The following POLR1A variants were observed in gnomAD, a reference collection of about 807,000 sequenced individuals.
The protein encoded by POLR1A is DNA-directed RNA polymerase I subunit RPA1.
In POLR1A, 84 loss-of-function variants were observed where a neutral mutation model predicts 205.3. The ratio of observed to expected loss-of-function variants is 0.41; its 90% confidence interval spans 0.34 to 0.49. POLR1A has a LOEUF of 0.49. POLR1A is among the 20% of genes least tolerant of loss of function. The pLI is 0.22. For missense variants in POLR1A, 1,645 were observed against 2,204.5 expected (o/e 0.75, Z 5.08); for synonymous variants, 799 against 863.7 (o/e 0.93, Z 1.31).
At chr2:86,067,703 C>A (rs926976324) in intron 13 of POLR1A, among the ~76,000 whole-genome samples, 2 of 152,138 alleles carry the variant, frequency 1.3e-5, no homozygotes, top group African/African-American at 4.8e-5. Flanking sequence ...AAAATTACCT[C>A]AAAATACTGG....
chr2:86,104,535 C>T (rs1473334508), intron 1 of POLR1A, among the ~76,000 whole-genome samples: 2 of 151,032 alleles, frequency 1.3e-5, no homozygotes, highest in South Asian at 2.1e-4. Context: ...GCAACCTCCG[C>T]CTCCTGGGTT....
chr2:86,060,761 C>T (rs1433848603), intron 14 of POLR1A, among the ~76,000 whole-genome samples: 2 of 152,132 alleles, frequency 1.3e-5, no homozygotes, highest in African/African-American at 4.8e-5. Context: ...AGGGGAATAC[C>T]TACAAGACCT....
chr2:86,089,576 T>C (rs1441340839), intron 4 of POLR1A, among the ~76,000 whole-genome samples: 6 of 152,236 alleles, frequency 3.9e-5, no homozygotes, highest in Admixed American at 3.3e-4. Context: ...GCTTGCTGGA[T>C]GCTATACCGA....
Position 86,077,154 on chromosome 2 carries a change from G to A in POLR1A, c.1380+705C>T, listed in dbSNP as rs976106275. Among the ~76,000 whole-genome samples the A allele has an allele frequency of 3.9e-5, 6 of 152,206 alleles. No homozygotes were observed. In the East Asian group the frequency reaches 5.8e-4, roughly 15 times the overall value. On this transcript the variant is annotated intron_variant, in intron 11 of 33. Transcript: ENST00000263857. The stretch of plus-strand genomic sequence containing the variant: ...CGTGCAAGGAAATGAGGCTCTCCAC[G>A]GAGGGAAATTAAACCACCTTCACAT...
At chr2:86,092,453 C>A (rs1344877635) in intron 3 of POLR1A, among the ~76,000 whole-genome samples, 2 of 152,246 alleles carry the variant, frequency 1.3e-5, no homozygotes, top group Non-Finnish European at 2.9e-5. Flanking sequence ...GTGAGGACAC[C>A]TGCTGAAGAG....
intron 23 of POLR1A, among the ~76,000 whole-genome samples, chr2:86,042,363 T>C (rs1001286094): frequency 6.6e-6 from 1 of 152,200 alleles, no homozygotes. Flanking sequence ...CAAACTGGGC[T>C]TCTTTTAGAG....
Position 86,080,995 on chromosome 2 carries a change from G to A in POLR1A, c.924-17C>T, listed in dbSNP as rs201421084. 1.9e-5 allele frequency: 30 copies of A among 1,598,386 alleles called. No individual in the cohort carries two copies. Among genetic ancestry groups the A allele is most frequent in the Non-Finnish European group, 2.2e-5 (26 of 1,171,270 alleles). Reference sequence around the variant, plus strand: ...GGGCGATACCTGCAGGGGGACATACGGAATAAATGAATGTTTAGTGTGAGG... The same window carrying A: ...GGGCGATACCTGCAGGGGGACATACAGAATAAATGAATGTTTAGTGTGAGG... On this transcript the variant is annotated splice_polypyrimidine_tract_variant and intron_variant, in intron 8 of 33. Coordinates refer to ENST00000263857, the MANE Select transcript of POLR1A (RefSeq NM_015425.6).
In POLR1A at chr2:86,039,488, A is replaced by G. The variant is rs754538817; in HGVS notation, c.3741-26T>C. On this transcript the variant is annotated intron_variant, in intron 25 of 33. Coordinates refer to ENST00000263857, the MANE Select transcript of POLR1A (RefSeq NM_015425.6). ...CTGTCACAGAATAAGGGCACATCCA[A>G]TCATGAGTGGCAACCAGACCTTCTG... 3 of 1,613,706 alleles carry G rather than the reference A, an allele frequency of 1.9e-6. No homozygotes were observed. The African/African-American group carries it at 4.0e-5, about 22-fold the overall frequency.
chr2:86,068,132 A>G (rs1295687483), intron 13 of POLR1A, among the ~76,000 whole-genome samples: 2 of 152,174 alleles, frequency 1.3e-5, no homozygotes, highest in Non-Finnish European at 2.9e-5. Flanking sequence ...AATCAAGCAC[A>G]GCACATTCAA....
chr2:86,036,463 G>A (rs1296234676), intron 27 of POLR1A, among the ~76,000 whole-genome samples: 2 of 152,094 alleles, frequency 1.3e-5, no homozygotes, highest in Non-Finnish European at 2.9e-5. Flanking sequence ...CTCCACAGCT[G>A]GGAGAAGGGA....
chr2:86,036,679 C>T (rs1042713968), intron 27 of POLR1A, among the ~76,000 whole-genome samples: 10 of 152,210 alleles, frequency 6.6e-5, no homozygotes, highest in African/African-American at 2.2e-4. Context: ...CCAGACCGCA[C>T]CCAGCTCATC....
chr2:86,058,398 CTTTT>C (rs11350157), intron 14 of POLR1A, among the ~76,000 whole-genome samples: 1 of 120,092 alleles, frequency 8.3e-6, no homozygotes, highest in Non-Finnish European at 1.7e-5. Context: ...CTCACCCAGC[CTTTT>C]TTTTTTTTTT....
chr2:86,069,910 GCC>G, intron 13 of POLR1A, 106 bp downstream of exon 13: 1 of 1,205,974 alleles, frequency 8.3e-7, no homozygotes, highest in Non-Finnish European at 1.1e-6. Context: ...CATTCCAGGC[GCC>G]CCTGTCCTGG....
intron 14 of POLR1A, among the ~76,000 whole-genome samples, chr2:86,057,746 A>T (rs1350341599): frequency 6.6e-6 from 1 of 152,244 alleles, no homozygotes. Context: ...TGTCCAAAAC[A>T]GGCTAATTCA....
chr2:86,058,284 A>T (rs975091485), intron 14 of POLR1A, among the ~76,000 whole-genome samples: 1 of 151,888 alleles, frequency 6.6e-6, no homozygotes, highest in Non-Finnish European at 1.5e-5. Context: ...TATTTTTAGT[A>T]GAGACAGGGT....
At chr2:86,053,096 T>C in intron 15 of POLR1A, 96 bp from the exon 16 acceptor site, 1 of 880,228 alleles carries the variant, frequency 1.1e-6, no homozygotes, top group East Asian at 3.1e-5. Flanking sequence ...GTTGTGCAAG[T>C]CCCTCTACTG....
At chr2:86,088,983 A>G in intron 4 of POLR1A, 113 bp from the exon 5 acceptor site, 2 of 693,054 alleles carry the variant, frequency 2.9e-6, no homozygotes, top group Non-Finnish European at 4.8e-6. Flanking sequence ...CACCCCCACC[A>G]CCACTTTCTT....
At chr2:86,041,433 G>A (rs562020038) in intron 24 of POLR1A, among the ~76,000 whole-genome samples, 2 of 152,174 alleles carry the variant, frequency 1.3e-5, no homozygotes, top group South Asian at 2.1e-4. Flanking sequence ...TCCAAGCTGA[G>A]GCCTTCAAAT....
chr2:86,039,437 T>C lies in POLR1A; in HGVS notation c.3766A>G (p.Ser1256Gly), dbSNP rs1672559566. ...ATCATGGGTGTCTTGATGTTGGCGC[T>C]GGCCACCATGAGAATCTCCCGCAAC... Reference protein sequence around the residue: ...PRLREILMVASANIKTPMMSV... With the variant: ...PRLREILMVAGANIKTPMMSV... Residue 1256 changes from serine to glycine, a missense_variant, in exon 26 of 34, where the codon AGC becomes GGC. Physicochemically the swap from Ser to Gly is moderately conservative, Grantham distance 56. Transcript: ENST00000263857. 7 of 1,614,190 alleles carry C rather than the reference T, an allele frequency of 4.3e-6. No individual in the cohort carries two copies. The highest frequency in any genetic ancestry group is 1.1e-5 in the South Asian group (1 of 91,088).
Sources: allele counts gnomAD v4.1 joint callset (sites outside exome capture counted in the v4.1 genomes callset), GRCh38; gene constraint gnomAD v4.1.1; transcripts MANE v1.5; gene names NCBI Gene and HGNC (gene_info 2026-07-23, HGNC 2026-07-21).